ZNF81: variants seen among roughly 807,000 people sequenced by gnomAD.
ZNF81 encodes the protein zinc finger protein 81 (HFZ20).
A neutral mutation model predicts 32.3 loss-of-function variants in ZNF81; 5 were observed. That is an observed-to-expected ratio of 0.15 (90% confidence interval 0.08 to 0.33). The LOEUF is 0.33. Among genes scored for constraint, ZNF81 ranks in the 10% least tolerant of loss-of-function variants. ZNF81 has a pLI of 1.00. For synonymous variants in ZNF81, 163 were observed against 166.8 expected (o/e 0.98, Z 0.17); for missense variants, 379 against 479.8 (o/e 0.79, Z 1.96).
At chrX:47,879,106 A>G (rs1178443487) in intron 2 of ZNF81, among the ~76,000 whole-genome samples, 3 of 111,839 alleles carry the variant, frequency 2.7e-5, no homozygotes, top group African/African-American at 9.8e-5. Flanking sequence ...TAGATGATAC[A>G]TGATAATTTC....
chrX:47,901,989 C>A (rs1556888080), intron 4 of ZNF81, among the ~76,000 whole-genome samples: 1 of 111,687 alleles, frequency 9.0e-6, no homozygotes, highest in African/African-American at 3.3e-5. Flanking sequence ...GTGAACTCAT[C>A]TGGGTCATCT....
At chrX:47,859,423 T>C (rs1225261609) in intron 2 of ZNF81, among the ~76,000 whole-genome samples, 2 of 112,128 alleles carry the variant, frequency 1.8e-5, no homozygotes, top group Non-Finnish European at 3.8e-5. Flanking sequence ...TTTGTTGATT[T>C]CCACTTCATT....
chrX:47,855,931 C>T (rs1416866765), intron 2 of ZNF81, among the ~76,000 whole-genome samples: 1 of 107,490 alleles, frequency 9.3e-6, no homozygotes, highest in Non-Finnish European at 1.9e-5. Flanking sequence ...CGCCTGTAAT[C>T]CCACCTACCC....
rs781875642 is a variant in ZNF81, at chrX:47,925,481, C to T, written c.*8849C>T. ...TGAGATTCATTCATGTTGTTATATG[C>T]GTCTATGTTCATTCCTTTTTATTGC... On this transcript the variant is annotated 3_prime_UTR_variant, in exon 5 of 5. Transcript: ENST00000338637. Among the ~76,000 whole-genome samples the T allele has an allele frequency of 1.6e-4, 18 of 112,109 alleles. No individual in the cohort carries two copies. The highest frequency in any genetic ancestry group is 2.8e-4 in the Non-Finnish European group (15 of 53,157).
intron 2 of ZNF81, among the ~76,000 whole-genome samples, chrX:47,848,392 C>CTAG (rs1270558774): frequency 2.7e-5 from 3 of 111,728 alleles, no homozygotes; most frequent in Non-Finnish European, 5.6e-5. Flanking sequence ...GTTCCTCCTT[C>CTAG]TAGTAGTACT....
intron 3 of ZNF81, among the ~76,000 whole-genome samples, chrX:47,890,156 A>G (rs781843946): frequency 1.8e-5 from 2 of 111,630 alleles, no homozygotes; most frequent in East Asian, 5.7e-4. Flanking sequence ...CATGGCCCCA[A>G]TAATGCCCAG....
chrX:47,853,475 C>T (rs575615947), intron 2 of ZNF81, among the ~76,000 whole-genome samples: 31 of 111,018 alleles, frequency 2.8e-4, no homozygotes, highest in African/African-American at 9.5e-4. Context: ...CCACCGTGCC[C>T]GGCCGATTTG....
chrX:47,918,886 G>T lies in ZNF81; in HGVS notation c.*2254G>T, dbSNP rs375638222. 4.2e-4 allele frequency: 61 copies of T among 144,542 alleles called. No individual in the cohort carries two copies. The highest frequency in any genetic ancestry group is 1.7e-3 in the African/African-American group (53 of 31,866). 11.9% of individuals were successfully genotyped at this position (144,542 alleles called of 1,213,427 possible). On this transcript the variant is annotated 3_prime_UTR_variant, in exon 5 of 5. Transcript: ENST00000338637. ...GAACAGTGACTGATATGTGCCTCAT[G>T]GTCCTCCTCTTTTTGAATGGGAGTG...
intron 2 of ZNF81, among the ~76,000 whole-genome samples, chrX:47,887,634 G>C (rs782602568): frequency 5.4e-5 from 6 of 111,482 alleles, no homozygotes; most frequent in Non-Finnish European, 1.1e-4. Flanking sequence ...ACAGGAGAGG[G>C]AGCTATGTGA....
At chrX:47,855,865 A>T (rs2058514471) in intron 2 of ZNF81, among the ~76,000 whole-genome samples, 1 of 108,937 alleles carries the variant, frequency 9.2e-6, no homozygotes, top group African/African-American at 3.4e-5. Context: ...CCTGGCCAAC[A>T]CAGTGAAACT....
At chrX:47,841,491 G>A (rs2058449076) in intron 1 of ZNF81, 5 of 1,021,954 alleles carry the variant, frequency 4.9e-6, no homozygotes, top group Non-Finnish European at 6.8e-6. Flanking sequence ...ACTTCTAGTC[G>A]TCTGAGACGC....
intron 2 of ZNF81, among the ~76,000 whole-genome samples, chrX:47,846,607 C>T (rs1328310601): frequency 3.6e-5 from 4 of 111,159 alleles, no homozygotes; most frequent in Non-Finnish European, 7.5e-5. Flanking sequence ...GTTGTCACTT[C>T]GTAATTTGCA....
chrX:47,883,578 CTT>C (rs1298980170), intron 2 of ZNF81, among the ~76,000 whole-genome samples: 1 of 111,886 alleles, frequency 8.9e-6, no homozygotes, highest in East Asian at 2.8e-4. Context: ...TTTTTGTTAA[CTT>C]TTTCTATGAT....
chrX:47,849,678 A>G (rs1483839335), intron 2 of ZNF81, among the ~76,000 whole-genome samples: 1 of 110,601 alleles, frequency 9.0e-6, no homozygotes. Context: ...GTCTCAAAAA[A>G]AAAAAAAAGA....
chrX:47,844,644 C>T (rs782304099), intron 1 of ZNF81, among the ~76,000 whole-genome samples: 233 of 112,239 alleles, frequency 2.1e-3, no homozygotes, highest in Admixed American at 3.9e-3. Flanking sequence ...TATTTGTATA[C>T]AAGTTTTGGA....
chrX:47,889,747 C>CA (rs2058656096), intron 3 of ZNF81, among the ~76,000 whole-genome samples: 1 of 111,679 alleles, frequency 9.0e-6, no homozygotes, highest in South Asian at 3.8e-4. Context: ...AGGAAGCTTC[C>CA]AATCATGGCG....
chrX:47,878,650 C>T (rs530918151), intron 2 of ZNF81, among the ~76,000 whole-genome samples: 1 of 112,380 alleles, frequency 8.9e-6, no homozygotes. Context: ...CAATGACAAG[C>T]AATAAAGTGG....
chrX:47,869,146 C>T (rs1556883607), intron 2 of ZNF81, among the ~76,000 whole-genome samples: 3 of 111,974 alleles, frequency 2.7e-5, no homozygotes, highest in African/African-American at 9.7e-5. Flanking sequence ...TTCCTTTTTT[C>T]CCTCTAAGGA....
intron 3 of ZNF81, among the ~76,000 whole-genome samples, chrX:47,890,397 A>T (rs1182407065): frequency 8.9e-6 from 1 of 112,369 alleles, no homozygotes; most frequent in Non-Finnish European, 1.9e-5. Context: ...GCTTAAATTC[A>T]GTGGGTGAGT....
Sources: gnomAD v4.1 joint callset for allele counts (sites outside exome capture counted in the v4.1 genomes callset) on GRCh38, gnomAD v4.1.1 for gene constraint, MANE v1.5 for transcripts, NCBI Gene and HGNC (gene_info 2026-07-23, HGNC 2026-07-21) for gene names.